The following ADGRD2 variants were observed in gnomAD, a reference collection of about 807,000 sequenced individuals.
The protein encoded by ADGRD2 is G protein-coupled receptor PGR24.
Under a neutral mutation model 44.4 loss-of-function variants are expected in ADGRD2, and 71 were observed. The observed-to-expected ratio is 1.60, with a 90% CI of 1.32 to 1.95. The LOEUF is 1.95. ADGRD2 is among the 30% of genes most tolerant of loss of function. The pLI, the probability that ADGRD2 is intolerant of heterozygous loss-of-function variation, is 0.00. For missense variants in ADGRD2, 1,039 were observed against 512.4 expected (o/e 2.03, Z -9.92); for synonymous variants, 481 against 224.8 (o/e 2.14, Z -10.19).
rs563749548 is a variant in ADGRD2 at position 124,452,333 on chromosome 9, C to T, written c.68+175C>T. Reference sequence around the variant, plus strand: ...GGTTTCCGTCTCATTCCTGCCATTGCGCAGATGACGAAAAGAGCTCTGCAA... The same window carrying T: ...GGTTTCCGTCTCATTCCTGCCATTGTGCAGATGACGAAAAGAGCTCTGCAA... On this transcript the variant is annotated intron_variant, in intron 1 of 21. Coordinates refer to ENST00000334810, the Ensembl canonical transcript of ADGRD2. 5.1e-4 allele frequency: 327 copies of T among 640,866 alleles called. 2 individuals are homozygous for T. Among genetic ancestry groups the T allele is most frequent in the Non-Finnish European group, 8.9e-4 (310 of 348,400 alleles). 39.7% of individuals were successfully genotyped at this position (640,866 alleles called of 1,614,324 possible).
In ADGRD2 at chr9:124,452,731, G is replaced by A. The variant is rs773780662; in HGVS notation, c.281+9G>A. The A allele has an allele frequency of 1.4e-5, 10 of 706,216 alleles. No homozygotes were observed. The African/African-American group carries it at 1.8e-4, about 12-fold the overall frequency. The allele number at this position is 706,216 out of a possible 1,614,324, so 43.7% of individuals were successfully genotyped here. A position where few individuals can be genotyped will look rare whatever the true frequency, so the allele number is the denominator to read the frequency against. Reference sequence around the variant, plus strand: ...GAGACCCCCACAGAGGCGTGAGTGTGGGCCCCTGGGAAATGGGAGCAAGGG... The same window carrying A: ...GAGACCCCCACAGAGGCGTGAGTGTAGGCCCCTGGGAAATGGGAGCAAGGG... On this transcript the variant is annotated intron_variant, in intron 2 of 21. Transcript: ENST00000334810.
intron 10 of ADGRD2, among the ~76,000 whole-genome samples, chr9:124,461,500 G>A (rs1179461881): frequency 6.6e-6 from 1 of 152,164 alleles, no homozygotes; most frequent in Non-Finnish European, 1.5e-5. Flanking sequence ...TTTCCATATA[G>A]ACAACCAGTT....
intron 10 of ADGRD2, among the ~76,000 whole-genome samples, chr9:124,460,371 T>A (rs1042182964): frequency 1.2e-5 from 1 of 82,506 alleles, no homozygotes; most frequent in African/African-American, 5.9e-5. Context: ...TCCAGCTAAT[T>A]TTGTATATAT....
At chr9:124,475,678 C>A (rs935555056) in intron 19 of ADGRD2, 63 bp downstream of exon 22, 4 of 594,086 alleles carry the variant, frequency 6.7e-6, no homozygotes, top group African/African-American at 5.7e-5. Context: ...TCCCAGCCCC[C>A]ATATCCTCTC....
At chr9:124,470,739 G>A in intron 17 of ADGRD2, 125 bp downstream of exon 20, 1 of 589,878 alleles carries the variant, frequency 1.7e-6, no homozygotes, top group South Asian at 2.1e-5. Context: ...ACAGCAACTG[G>A]GACATCCTAT....
At chr9:124,451,673 C>A, upstream of ADGRD2, 1 of 260,580 alleles carries the variant, frequency 3.8e-6, no homozygotes, top group Non-Finnish European at 7.5e-6. Flanking sequence ...CAGGATGGCA[C>A]CGTGGTGCTA....
At chr9:124,472,457 TTTTTTGTTTG>T (rs958486962) in intron 17 of ADGRD2, among the ~76,000 whole-genome samples, 546 of 22,520 alleles carry the variant, frequency 0.024, 2 homozygotes, top group African/African-American at 0.12. Flanking sequence ...TGTTTGTTTG[TTTTTTGTTTG>T]TTTTTTGTTT....
rs971985487 is a variant in ADGRD2 at position 124,475,564 on chromosome 9, C to G, written c.2801-7C>G. On this transcript the variant is annotated splice_polypyrimidine_tract_variant and splice_region_variant and intron_variant, in intron 18 of 21. Coordinates refer to ENST00000334810, the Ensembl canonical transcript of ADGRD2. ...GTCCCCAGCCTGACCTCCAAGTATTCCCCCAGGTGCGGAGCGCCCTGCAGA... is the reference window on the plus strand; with the variant it reads ...GTCCCCAGCCTGACCTCCAAGTATTGCCCCAGGTGCGGAGCGCCCTGCAGA... 5.6e-6 allele frequency: 4 copies of G among 714,856 alleles called. No individual in the cohort carries two copies. The highest frequency in any genetic ancestry group is 5.4e-5 in the East Asian group (2 of 37,090). The allele number at this position is 714,856 out of a possible 1,614,324, so 44.3% of individuals were successfully genotyped here.
chr9:124,476,639 G>A (rs1471927307), intron 20 of ADGRD2, 40 bp from the exon 24 acceptor site: 2 of 692,560 alleles, frequency 2.9e-6, no homozygotes, highest in East Asian at 2.7e-5. Context: ...GGCAGCAGAA[G>A]GAGTGGGGGC....
chr9:124,456,037 G>A (rs547916993), intron 6 of ADGRD2, among the ~76,000 whole-genome samples: 1 of 152,324 alleles, frequency 6.6e-6, no homozygotes, highest in African/African-American at 2.4e-5. Context: ...TGAGCTCCCC[G>A]TCCTGGGAAG....
rs1306027236 is a variant in ADGRD2 at position 124,453,177 on chromosome 9, G to A, written c.426G>A (p.Ala142=). The change falls in exon 3 of 22, where the codon GCG becomes GCA. Residue 142 remains alanine, a synonymous_variant. Coordinates refer to ENST00000334810, the Ensembl canonical transcript of ADGRD2. Reference sequence around the variant, plus strand: ...ACTGTGCCTCGCCCGACCCCGCAGCGCTCTTCTCCGTTGCCGCGCCCGCGC... The same window carrying A: ...ACTGTGCCTCGCCCGACCCCGCAGCACTCTTCTCCGTTGCCGCGCCCGCGC... 6 of 691,860 alleles carry A rather than the reference G, an allele frequency of 8.7e-6. No homozygotes were observed. The East Asian group carries it at 1.4e-4, about 16-fold the overall frequency. The allele number at this position is 691,860 out of a possible 1,614,324, so 42.9% of individuals were successfully genotyped here.
At chr9:124,464,750 A>T (rs1019083543) in intron 10 of ADGRD2, among the ~76,000 whole-genome samples, 1 of 138,654 alleles carries the variant, frequency 7.2e-6, no homozygotes, top group Non-Finnish European at 1.6e-5. Flanking sequence ...AACACATTCA[A>T]CCCAGACCTA....
At chr9:124,451,131 G>A (rs1406960849), upstream of ADGRD2, 1 of 472,328 alleles carries the variant, frequency 2.1e-6, no homozygotes, top group Middle Eastern at 3.2e-4. Context: ...GTCCAGAGGA[G>A]GGAAACTCAG....
chr9:124,454,830 C>T lies in ADGRD2; in HGVS notation c.1109-13C>T. 2.9e-6 allele frequency: 2 copies of T among 681,942 alleles called. No individual in the cohort carries two copies. Among genetic ancestry groups the T allele is most frequent in the Non-Finnish European group, 5.4e-6 (2 of 369,850 alleles). The allele number at this position is 681,942 out of a possible 1,614,324, so 42.2% of individuals were successfully genotyped here. A position where few individuals can be genotyped will look rare whatever the true frequency, so the allele number is the denominator to read the frequency against. On this transcript the variant is annotated splice_polypyrimidine_tract_variant and intron_variant, in intron 5 of 21. Transcript: ENST00000334810. The surrounding 1 kb of genome is among the most constrained non-coding windows in gnomAD (Gnocchi z 4.5). ...ACAACCAGACCCAGAGTCAGTGGCT[C>T]CTCTGTCCACAGCTCCTCCCGGACC...
intron 19 of ADGRD2, 78 bp from the exon 23 acceptor site, chr9:124,476,279 G>T: frequency 3.1e-6 from 2 of 640,988 alleles, no homozygotes; most frequent in Admixed American, 2.3e-5. Flanking sequence ...TGATCCTGAG[G>T]GCCCCACTCC....
At chr9:124,453,740 C>A in intron 3 of ADGRD2, 64 bp downstream of exon 6, 1 of 611,362 alleles carries the variant, frequency 1.6e-6, no homozygotes, top group South Asian at 1.7e-5. Flanking sequence ...GACCCTGGAA[C>A]TCGACCCACC....
At chr9:124,464,879 C>T (rs1317101317) in intron 10 of ADGRD2, among the ~76,000 whole-genome samples, 1 of 152,084 alleles carries the variant, frequency 6.6e-6, no homozygotes. Context: ...TTATATCATG[C>T]CCAATGTTGT....
chr9:124,471,552 G>A (rs919060830), intron 17 of ADGRD2, among the ~76,000 whole-genome samples: 5 of 152,220 alleles, frequency 3.3e-5, no homozygotes, highest in African/African-American at 1.2e-4. Context: ...AATAAGCCTT[G>A]TAAGTGGGGA....
At chr9:124,476,610 A>G (rs1388326758) in intron 20 of ADGRD2, 69 bp from the exon 24 acceptor site, 7 of 663,298 alleles carry the variant, frequency 1.1e-5, no homozygotes, top group Non-Finnish European at 1.4e-5. Context: ...CCCTATAGCC[A>G]AGGGTCCCCA....
Sources: allele counts gnomAD v4.1 joint callset (sites outside exome capture counted in the v4.1 genomes callset), GRCh38; gene constraint gnomAD v4.1.1; non-coding constraint Gnocchi (gnomAD v3.1); transcripts MANE v1.5; gene names NCBI Gene and HGNC (gene_info 2026-07-23, HGNC 2026-07-21).